Variants in PDCD6IP observed in about 807,000 individuals in gnomAD.
The protein encoded by PDCD6IP is programmed cell death 6 interacting protein, also known as programmed cell death 6-interacting protein.
A neutral mutation model predicts 103.7 loss-of-function variants in PDCD6IP; 43 were observed. The ratio of observed to expected loss-of-function variants is 0.41; its 90% CI spans 0.32 to 0.53. The LOEUF (loss-of-function observed/expected upper bound fraction) is 0.53, where lower values mean the gene tolerates loss of function less well. Among genes scored for constraint, PDCD6IP ranks in the 20% least tolerant of loss-of-function variants. The pLI, the probability that PDCD6IP is intolerant of heterozygous loss-of-function variation, is 0.16. For synonymous variants in PDCD6IP, 354 were observed against 378.7 expected (o/e 0.93, Z 0.76); for missense variants, 871 against 1,036.7 (o/e 0.84, Z 2.20).
chr3:33,816,240 C>T (rs1239786545), intron 3 of PDCD6IP, among the ~76,000 whole-genome samples: 2 of 152,312 alleles, frequency 1.3e-5, no homozygotes, highest in Middle Eastern at 3.4e-3. Flanking sequence ...GGTGCGGTGG[C>T]TCACGCCTGT....
At chr3:33,855,325 T>C in intron 15 of PDCD6IP, 65 bp downstream of exon 15, 2 of 998,024 alleles carry the variant, frequency 2.0e-6, no homozygotes, top group South Asian at 2.7e-5. Context: ...ATGTAGAGAC[T>C]TTTGGTATGA....
rs1342662808 is a variant in PDCD6IP at position 33,866,939 on chromosome 3, C to T, written c.*414C>T. On this transcript the variant is annotated 3_prime_UTR_variant, in exon 18 of 18. Transcript: ENST00000307296. The stretch of plus-strand genomic sequence containing the variant: ...TGGTTTATTGATTTGGTTTAATTTC[C>T]ATTATGCTATTTTGCATAATCAAGG... 1.9e-5 allele frequency: 3 copies of T among 154,054 alleles called. No homozygotes were observed. Among genetic ancestry groups the T allele is most frequent in the Non-Finnish European group, 4.3e-5 (3 of 69,418 alleles). 9.5% of individuals were successfully genotyped at this position (154,054 alleles called of 1,614,324 possible). A position where few individuals can be genotyped will look rare whatever the true frequency, so the allele number is the denominator to read the frequency against.
intron 12 of PDCD6IP, among the ~76,000 whole-genome samples, chr3:33,849,487 T>C (rs1697666971): frequency 6.6e-6 from 1 of 152,010 alleles, no homozygotes; most frequent in East Asian, 1.9e-4. Context: ...CTGTTTTTGT[T>C]AGTAGTTGTG....
rs772180215 is a variant in PDCD6IP at position 33,810,896 on chromosome 3, A to ATTTT, written c.210-1162_210-1159dup. Among the ~76,000 whole-genome samples, 3 of 138,124 alleles carry ATTTT rather than the reference A, an allele frequency of 2.2e-5. 1 individual carries two copies. Among genetic ancestry groups the ATTTT allele is most frequent in the Admixed American group, 7.2e-5 (1 of 13,838 alleles). The allele number at this position is 138,124 out of a possible 152,430, so 90.6% of individuals were successfully genotyped here. The stretch of plus-strand genomic sequence containing the variant: ...ACCTTCTGCCTTCTCATGTTTGTGG[A>ATTTT]TTTTTTTTTTTTTTTTTGAGACAGG... On this transcript the variant is annotated intron_variant, in intron 1 of 17. Coordinates refer to ENST00000307296, the MANE Select transcript of PDCD6IP (RefSeq NM_013374.6).
At chr3:33,844,421 G>A (rs1575933485) in intron 11 of PDCD6IP, among the ~76,000 whole-genome samples, 198 bp downstream of exon 11, 1 of 152,190 alleles carries the variant, frequency 6.6e-6, no homozygotes, top group South Asian at 2.1e-4. Flanking sequence ...AAGGTATGAA[G>A]TGAAAAGTTA....
chr3:33,847,110 A>G (rs1356780597), intron 12 of PDCD6IP, among the ~76,000 whole-genome samples: 1 of 152,262 alleles, frequency 6.6e-6, no homozygotes, highest in Non-Finnish European at 1.5e-5. Context: ...CCCTTCGAAC[A>G]GCAATAAATT....
intron 15 of PDCD6IP, among the ~76,000 whole-genome samples, chr3:33,861,134 A>G (rs1476132488): frequency 6.7e-6 from 1 of 149,330 alleles, no homozygotes; most frequent in Non-Finnish European, 1.5e-5. Flanking sequence ...TAAGTCTTAG[A>G]AATCTAATCT....
chr3:33,851,514 C>G (rs1000978547), intron 12 of PDCD6IP, among the ~76,000 whole-genome samples: 1 of 152,118 alleles, frequency 6.6e-6, no homozygotes, highest in Non-Finnish European at 1.5e-5. Context: ...CTCTGTCACC[C>G]AGGCTGGAGT....
intron 2 of PDCD6IP, among the ~76,000 whole-genome samples, chr3:33,812,939 G>T (rs1696751120): frequency 6.6e-6 from 1 of 152,014 alleles, no homozygotes; most frequent in East Asian, 1.9e-4. Flanking sequence ...GTATTAGATT[G>T]CAATAAATAA....
chr3:33,863,974 A>G (rs747610252), intron 15 of PDCD6IP, 32 bp from the exon 16 acceptor site: 1 of 1,443,550 alleles, frequency 6.9e-7, no homozygotes, highest in African/African-American at 1.4e-5. Flanking sequence ...TTTTTCTATC[A>G]TGTTAATTTT....
In PDCD6IP at chr3:33,844,214, T is replaced by C. The variant is rs1204064949; in HGVS notation, c.1462T>C (p.Leu488=). The C allele has an allele frequency of 1.7e-5, 26 of 1,544,500 alleles. No homozygotes were observed. Among genetic ancestry groups the C allele is most frequent in the Non-Finnish European group, 2.3e-5 (26 of 1,151,224 alleles). Residue 488 remains leucine, a synonymous_variant, in exon 11 of 18, where the codon TTA becomes CTA. Coordinates refer to ENST00000307296, the MANE Select transcript of PDCD6IP (RefSeq NM_013374.6). ...ACCATCCAATGAACTGTATAAGCCT[T>C]TAAGAGCAGGTAAAAATGTGTATAA... ...RTPSNELYKP[L]RAEGTNFRTV...
At chr3:33,812,154 A>G in intron 2 of PDCD6IP, 28 bp downstream of exon 2, 5 of 1,592,170 alleles carry the variant, frequency 3.1e-6, no homozygotes, top group Non-Finnish European at 4.3e-6. Context: ...TCTTAAAATT[A>G]TATGGTAATA....
At chr3:33,804,355 C>T (rs1044942753) in intron 1 of PDCD6IP, among the ~76,000 whole-genome samples, 5 of 152,224 alleles carry the variant, frequency 3.3e-5, no homozygotes, top group Non-Finnish European at 7.3e-5. Flanking sequence ...CAGGGACCCC[C>T]TCCCACCTGG....
intron 10 of PDCD6IP, among the ~76,000 whole-genome samples, chr3:33,842,350 C>T (rs1011849076): frequency 6.6e-6 from 1 of 152,162 alleles, no homozygotes; most frequent in African/African-American, 2.4e-5. Flanking sequence ...AATCAACTGT[C>T]ATACAAACTG....
At chr3:33,858,205 A>T (rs1319463230) in intron 15 of PDCD6IP, among the ~76,000 whole-genome samples, 1 of 152,214 alleles carries the variant, frequency 6.6e-6, no homozygotes, top group Non-Finnish European at 1.5e-5. Context: ...TATAAAATAT[A>T]AGTTTGTCAT....
Position 33,845,500 on chromosome 3 carries a change from A to T in PDCD6IP, c.1553A>T (p.Asp518Val), listed in dbSNP as rs1464450577. 2 of 1,613,942 alleles carry T rather than the reference A, an allele frequency of 1.2e-6. No individual in the cohort carries two copies. Among genetic ancestry groups the T allele is most frequent in the Non-Finnish European group, 1.7e-6 (2 of 1,179,804 alleles). Residue 518 changes from aspartate to valine, a missense_variant, in exon 12 of 18, where the codon GAC becomes GTC. Physicochemically the swap from Asp to Val is radical, Grantham distance 152. This residue lies in a region of PDCD6IP where 266 missense variants were observed against 390.5 expected (regional missense o/e 0.68). Coordinates refer to ENST00000307296, the MANE Select transcript of PDCD6IP (RefSeq NM_013374.6). ...QVKECYQSHR[D>V]TIVLLCKPEP... is the part of the protein sequence containing the mutation. ...AAAGAATGTTACCAGTCTCATCGTG[A>T]CACCATCGTGCTTTTGTGTAAGCCA...
At chr3:33,812,397 C>G (rs2125546663) in intron 2 of PDCD6IP, among the ~76,000 whole-genome samples, 1 of 152,248 alleles carries the variant, frequency 6.6e-6, no homozygotes, top group Admixed American at 6.5e-5. Context: ...ACTGATTAAT[C>G]TGCTGTGTCC....
At chr3:33,801,578 C>T (rs1472884896) in intron 1 of PDCD6IP, among the ~76,000 whole-genome samples, 2 of 152,070 alleles carry the variant, frequency 1.3e-5, no homozygotes, top group Non-Finnish European at 2.9e-5. Context: ...CACTAGAGCC[C>T]ACGAGTTGGA....
At chr3:33,844,957 A>G (rs888756641) in intron 11 of PDCD6IP, among the ~76,000 whole-genome samples, 4 of 152,012 alleles carry the variant, frequency 2.6e-5, no homozygotes, top group African/African-American at 4.8e-5. Context: ...GCTGAGATAA[A>G]TGCTATCTTC....
Sources: gnomAD v4.1 joint callset for allele counts (sites outside exome capture counted in the v4.1 genomes callset) on GRCh38, gnomAD v4.1.1 for gene constraint, gnomAD v4.1.1 regional missense constraint, MANE v1.5 for transcripts, NCBI Gene and HGNC (gene_info 2026-07-23, HGNC 2026-07-21) for gene names.